The following PACRG variants were observed in gnomAD, a reference collection of about 807,000 sequenced individuals.
PACRG encodes the protein parkin coregulated gene protein.
PACRG carries 29 observed loss-of-function variants against 29.7 expected under a neutral mutation model. The ratio of observed to expected loss-of-function variants is 0.98; its 90% confidence interval spans 0.73 to 1.33. The LOEUF is 1.33. Among genes scored for constraint, PACRG ranks in the 40% most tolerant of loss-of-function variants. The pLI is 0.00. For missense variants in PACRG, 279 were observed against 316.2 expected (o/e 0.88, Z 0.89); for synonymous variants, 116 against 118.7 (o/e 0.98, Z 0.15).
chr6:163,131,536 G>A (rs1477963328), intron 4 of PACRG, among the ~76,000 whole-genome samples: 1 of 152,112 alleles, frequency 6.6e-6, no homozygotes, highest in Non-Finnish European at 1.5e-5. Context: ...GTCAGAAAGG[G>A]TGGCCCTGTT....
intron 2 of PACRG, among the ~76,000 whole-genome samples, chr6:162,829,267 G>C (rs902457464): frequency 4.6e-5 from 7 of 152,232 alleles, no homozygotes; most frequent in African/African-American, 1.7e-4. Context: ...GCAAGGCCTG[G>C]CCTGCAGGGA....
At chr6:163,163,009 T>C (rs1345244607) in intron 4 of PACRG, among the ~76,000 whole-genome samples, 1 of 152,208 alleles carries the variant, frequency 6.6e-6, no homozygotes, top group African/African-American at 2.4e-5. Flanking sequence ...TCAGCCTGGC[T>C]GCTAATGGAA....
In PACRG at chr6:162,899,815, G is replaced by A. The variant is rs142075916; in HGVS notation, c.291+85534G>A. ...GGGAGGATAAGAAAAAGCAGCTTACGTTTATTGAGGTATTTACTTTCATTA... is the reference window on the plus strand; with the variant it reads ...GGGAGGATAAGAAAAAGCAGCTTACATTTATTGAGGTATTTACTTTCATTA... On this transcript the variant is annotated intron_variant, in intron 2 of 4. Coordinates refer to ENST00000366888, the MANE Select transcript of PACRG (RefSeq NM_001080379.2). Among the ~76,000 whole-genome samples, 392 of 152,280 alleles carry A rather than the reference G, an allele frequency of 2.6e-3. 3 individuals are homozygous for A. The highest frequency in any genetic ancestry group is 8.9e-3 in the African/African-American group (370 of 41,556).
chr6:162,971,282 G>A (rs754934437), intron 2 of PACRG, among the ~76,000 whole-genome samples: 26 of 152,154 alleles, frequency 1.7e-4, no homozygotes, highest in Non-Finnish European at 3.7e-4. Flanking sequence ...CTCTATCTGG[G>A]CTCCAGTTCT....
At chr6:162,828,790 G>A (rs1020854079) in intron 2 of PACRG, among the ~76,000 whole-genome samples, 1 of 152,088 alleles carries the variant, frequency 6.6e-6, no homozygotes, top group South Asian at 2.1e-4. Flanking sequence ...TGTTTAAAAT[G>A]CAGTGATATC....
chr6:163,157,894 C>G (rs1778388108), intron 4 of PACRG, among the ~76,000 whole-genome samples: 2 of 152,216 alleles, frequency 1.3e-5, no homozygotes, highest in African/African-American at 4.8e-5. Context: ...GTTTAGTTTA[C>G]TCCTTAGTAG....
intron 2 of PACRG, among the ~76,000 whole-genome samples, chr6:162,890,183 C>A (rs1320945102): frequency 6.6e-6 from 1 of 152,176 alleles, no homozygotes; most frequent in African/African-American, 2.4e-5. Context: ...AAGTGATGAA[C>A]CCTTCCCATG....
rs187053957 is a variant in PACRG, at chr6:162,756,709, G to A, written c.156+28318G>A. On this transcript the variant is annotated intron_variant, in intron 1 of 4. Coordinates refer to ENST00000366888, the MANE Select transcript of PACRG (RefSeq NM_001080379.2). ...TGTAAATTTTTTTTATTGTTGTTTT[G>A]TAGTTCCCTTTTTACTTTCTCTCTT... 4.3e-4 allele frequency among the ~76,000 whole-genome samples: 66 copies of A among 152,012 alleles called. 1 individual carries two copies. The East Asian group carries it at 0.011, about 26-fold the overall frequency.
At chr6:162,966,967 A>G (rs1166992877) in intron 2 of PACRG, among the ~76,000 whole-genome samples, 2 of 152,204 alleles carry the variant, frequency 1.3e-5, no homozygotes, top group African/African-American at 2.4e-5. Flanking sequence ...CACAGTGATT[A>G]GATAAATAAA....
intron 2 of PACRG, among the ~76,000 whole-genome samples, chr6:162,901,123 AT>A (rs1795532380): frequency 2.0e-5 from 3 of 152,218 alleles, no homozygotes; most frequent in Admixed American, 2.0e-4. Flanking sequence ...GAGATAAGAC[AT>A]CCATTTTCTG....
At chr6:163,046,208 C>G (rs181122646) in intron 2 of PACRG, among the ~76,000 whole-genome samples, 127 of 150,972 alleles carry the variant, frequency 8.4e-4, no homozygotes, top group African/African-American at 2.9e-3. Context: ...GCCCAGAACA[C>G]TCACCCCTCC....
intron 2 of PACRG, among the ~76,000 whole-genome samples, chr6:162,919,864 C>A (rs1796945196): frequency 6.6e-6 from 1 of 151,952 alleles, no homozygotes; most frequent in African/African-American, 2.4e-5. Flanking sequence ...AGCTGTATAA[C>A]AGGGTCAATA....
At chr6:162,818,087 A>G (rs9356065) in intron 2 of PACRG, among the ~76,000 whole-genome samples, 10,281 of 152,184 alleles carry the variant, frequency 0.068, 465 homozygotes, top group East Asian at 0.28. Context: ...GGTTGTAGTT[A>G]TAAAAAAGCA....
chr6:162,947,479 A>ATG, intron 2 of PACRG, among the ~76,000 whole-genome samples: 2 of 123,992 alleles, frequency 1.6e-5, no homozygotes, highest in South Asian at 2.3e-4. Context: ...TAATATATAT[A>ATG]TAATCATATA....
intron 4 of PACRG, among the ~76,000 whole-genome samples, chr6:163,122,424 G>T (rs775893859): frequency 1.3e-5 from 2 of 152,168 alleles, no homozygotes; most frequent in Non-Finnish European, 2.9e-5. Flanking sequence ...CCTACCGGGC[G>T]GTGTTTGGGT....
chr6:162,740,886 AC>A (rs1229386561), intron 1 of PACRG, among the ~76,000 whole-genome samples: 1 of 152,176 alleles, frequency 6.6e-6, no homozygotes, highest in African/African-American at 2.4e-5. Context: ...TGCATGAGCC[AC>A]CACGCCCAGC....
At chr6:163,264,792 G>T (rs1462639702) in intron 4 of PACRG, among the ~76,000 whole-genome samples, 3 of 152,166 alleles carry the variant, frequency 2.0e-5, no homozygotes, top group Non-Finnish European at 4.4e-5. Flanking sequence ...ACCTGAAATT[G>T]ATAAGGGAGA....
chr6:163,236,574 C>T (rs9458765), intron 4 of PACRG, among the ~76,000 whole-genome samples: 62,951 of 151,908 alleles, frequency 0.41, 14,043 homozygotes, highest in African/African-American at 0.58. Flanking sequence ...CACAAGATTC[C>T]GGGTCTTTTC....
In PACRG at chr6:163,250,175, T is replaced by C. The variant is rs149981833; in HGVS notation, c.614-64652T>C. Among the ~76,000 whole-genome samples, 48 of 152,316 alleles carry C rather than the reference T, an allele frequency of 3.2e-4. No homozygotes were observed. In the East Asian group the frequency reaches 5.2e-3, roughly 17 times the overall value. On this transcript the variant is annotated intron_variant, in intron 4 of 4. Coordinates refer to ENST00000366888, the MANE Select transcript of PACRG (RefSeq NM_001080379.2). ...CTAATGAAGCAACACAAAGTTCTGA[T>C]AAAATAAGAACAGAGGTAACAAAGC... is the stretch of plus-strand genomic sequence containing the variant.
Sources: gnomAD v4.1 joint callset for allele counts (sites outside exome capture counted in the v4.1 genomes callset) on GRCh38, gnomAD v4.1.1 for gene constraint, MANE v1.5 for transcripts, NCBI Gene and HGNC (gene_info 2026-07-23, HGNC 2026-07-21) for gene names.